The following PTPRG variants were observed in gnomAD, a reference collection of about 807,000 sequenced individuals.
PTPRG encodes the protein receptor-type tyrosine-protein phosphatase gamma.
In PTPRG, 102 loss-of-function variants were observed where a neutral mutation model predicts 165.3. The ratio of observed to expected loss-of-function variants is 0.62; its 90% CI spans 0.53 to 0.73. PTPRG has a LOEUF of 0.73. PTPRG is among the 30% of genes least tolerant of loss of function. The probability of loss-of-function intolerance (pLI) is 0.00; values close to 1 mark genes in which losing one functional copy is unlikely to be tolerated. For missense variants in PTPRG, 1,866 were observed against 1,861.4 expected (o/e 1.00, Z -0.05); for synonymous variants, 675 against 669.5 (o/e 1.01, Z -0.13).
Position 62,119,714 on chromosome 3 carries a change from G to A in PTPRG, c.616-12888G>A, listed in dbSNP as rs900944079. 3.3e-5 allele frequency among the ~76,000 whole-genome samples: 5 copies of A among 151,824 alleles called. No homozygotes were observed. The East Asian group carries it at 9.7e-4, about 29-fold the overall frequency. ...TGGCTCACTGCAAACTCCACGTCCTGGGTTCAAGTAATTCTCCTGCCTCAG... is the reference window on the plus strand; with the variant it reads ...TGGCTCACTGCAAACTCCACGTCCTAGGTTCAAGTAATTCTCCTGCCTCAG... On this transcript the variant is annotated intron_variant, in intron 5 of 29. Coordinates refer to ENST00000474889, the MANE Select transcript of PTPRG (RefSeq NM_002841.4).
chr3:61,923,314 C>T (rs764957058), intron 2 of PTPRG, among the ~76,000 whole-genome samples: 11 of 152,060 alleles, frequency 7.2e-5, no homozygotes, highest in Non-Finnish European at 1.3e-4. Flanking sequence ...TTGATTTAAC[C>T]GTACATCATA....
chr3:62,067,063 C>T (rs1222901327), intron 4 of PTPRG, among the ~76,000 whole-genome samples: 37 of 135,864 alleles, frequency 2.7e-4, no homozygotes, highest in African/African-American at 1.0e-3. Flanking sequence ...AAAAAAAAAT[C>T]AACTGCTCTC....
At position 62,291,716 on chromosome 3, in the gene PTPRG, T is replaced by A. The variant is rs977077913; in HGVS notation, c.4056-705T>A. 2.6e-5 allele frequency among the ~76,000 whole-genome samples: 4 copies of A among 152,200 alleles called. No individual in the cohort carries two copies. The South Asian group carries it at 8.3e-4, about 31-fold the overall frequency. ...ACATCATCTTGAACAATTCATTTAA[T>A]CCATCTGTTTTCTCATCACTAATGT... On this transcript the variant is annotated intron_variant, in intron 28 of 29. Transcript: ENST00000474889.
At chr3:61,676,362 C>T (rs577313811) in intron 1 of PTPRG, among the ~76,000 whole-genome samples, 102 of 143,868 alleles carry the variant, frequency 7.1e-4, no homozygotes, top group African/African-American at 2.6e-3. Flanking sequence ...GAGGCTGAGG[C>T]AGGAGAATGG....
At chr3:62,114,091 G>C (rs539626798) in intron 5 of PTPRG, among the ~76,000 whole-genome samples, 2 of 152,286 alleles carry the variant, frequency 1.3e-5, no homozygotes, top group African/African-American at 4.8e-5. Flanking sequence ...CTGAGGTCAG[G>C]AGTTCGAGAC....
intron 1 of PTPRG, among the ~76,000 whole-genome samples, chr3:61,718,871 T>G (rs2031931898): frequency 6.6e-6 from 1 of 152,326 alleles, no homozygotes; most frequent in Middle Eastern, 3.4e-3. Flanking sequence ...CAGGAGTCAT[T>G]GAATTGCCAC....
chr3:62,003,430 A>T lies in PTPRG; in HGVS notation c.452A>T (p.His151Leu). 6.2e-7 allele frequency: 1 copy of T among 1,614,002 alleles called. No individual in the cohort carries two copies. The highest frequency in any genetic ancestry group is 8.5e-7 in the Non-Finnish European group (1 of 1,179,948). The change falls in exon 4 of 30, where the codon CAC (histidine) becomes CTC (leucine). Residue 151 changes from histidine (H) to leucine (L), a missense_variant. His to Leu is a moderately conservative substitution (Grantham distance 99). Coordinates refer to ENST00000474889, the MANE Select transcript of PTPRG (RefSeq NM_002841.4). ...TTCAAAGCTGAGAAGGTGGAATTTC[A>T]CTGGGGCCACAGCAATGGCTCAGCG... The part of the protein sequence containing the change: ...GRFKAEKVEF[H>L]WGHSNGSAGS...
intron 1 of PTPRG, among the ~76,000 whole-genome samples, chr3:61,610,431 T>C (rs1350056799): frequency 6.6e-6 from 1 of 152,104 alleles, no homozygotes; most frequent in East Asian, 1.9e-4. Context: ...CTGCTGAATA[T>C]AAAAAAATTG....
At chr3:61,649,039 T>C (rs1487764434) in intron 1 of PTPRG, among the ~76,000 whole-genome samples, 1 of 152,184 alleles carries the variant, frequency 6.6e-6, no homozygotes, top group East Asian at 1.9e-4. Flanking sequence ...AAAAACCTAG[T>C]GTTAACTTTG....
Position 62,109,561 on chromosome 3 carries a change from GT to G in PTPRG, c.616-23034del, listed in dbSNP as rs921851310. 4.7e-4 allele frequency among the ~76,000 whole-genome samples: 71 copies of G among 152,112 alleles called. 1 individual carries two copies. Among genetic ancestry groups the G allele is most frequent in the Admixed American group, 2.0e-4 (3 of 15,262 alleles). ...TTGGTTCCATATGAAGTTTAAAGTAGTTTTTTTCCCACATTCCTCCTTTAAT... is the reference window on the plus strand; with the variant it reads ...TTGGTTCCATATGAAGTTTAAAGTAGTTTTTTCCCACATTCCTCCTTTAAT... On this transcript the variant is annotated intron_variant, in intron 5 of 29. Transcript: ENST00000474889.
chr3:61,668,335 A>G (rs548698399), intron 1 of PTPRG, among the ~76,000 whole-genome samples: 173 of 152,368 alleles, frequency 1.1e-3, no homozygotes, highest in South Asian at 2.1e-3. Flanking sequence ...GGGAAGAGAA[A>G]GGAACAGATA....
intron 1 of PTPRG, among the ~76,000 whole-genome samples, chr3:61,673,529 C>CA (rs60662526): frequency 0.059 from 8,908 of 152,188 alleles, 571 homozygotes; most frequent in African/African-American, 0.16. Flanking sequence ...ACACTGAGTA[C>CA]AAATTTATTT....
In PTPRG at chr3:61,967,661, CA is replaced by C. The variant is rs1364664213; in HGVS notation, c.191-21961del. ...TGATTAGAAATGAGTGACATTCTTCCAAATTTAGTGCATGTAACTGCCACTG... is the reference window on the plus strand; with the variant it reads ...TGATTAGAAATGAGTGACATTCTTCCAATTTAGTGCATGTAACTGCCACTG... On this transcript the variant is annotated intron_variant, in intron 2 of 29. Coordinates refer to ENST00000474889, the MANE Select transcript of PTPRG (RefSeq NM_002841.4). Among the ~76,000 whole-genome samples, 9 of 152,254 alleles carry C rather than the reference CA, an allele frequency of 5.9e-5. 1 individual carries two copies. In the East Asian group the frequency reaches 1.7e-3, roughly 29 times the overall value.
At position 62,163,749 on chromosome 3, in the gene PTPRG, A is replaced by G. The variant is rs545816190; in HGVS notation, c.841-4222A>G. ...CCAGGAATCATTCCAAATATTTTAT[A>G]TATCACAACTCTTTGAATAGTTACA... On this transcript the variant is annotated intron_variant, in intron 7 of 29. Transcript: ENST00000474889. Among the ~76,000 whole-genome samples the G allele has an allele frequency of 7.9e-5, 12 of 152,350 alleles. 1 individual carries two copies. In the South Asian group the frequency reaches 2.3e-3, roughly 29 times the overall value.
chr3:62,121,264 C>A (rs1703061071), intron 5 of PTPRG, among the ~76,000 whole-genome samples: 1 of 152,062 alleles, frequency 6.6e-6, no homozygotes, highest in Admixed American at 6.6e-5. Context: ...ATAGCTACAG[C>A]TTTTAAGGAT....
At chr3:62,177,665 A>G (rs896354540) in intron 8 of PTPRG, among the ~76,000 whole-genome samples, 4 of 152,050 alleles carry the variant, frequency 2.6e-5, no homozygotes, top group Non-Finnish European at 5.9e-5. Flanking sequence ...CCTACACTTC[A>G]GTCCAGCAGC....
At chr3:61,756,307 A>C (rs2033632831) in intron 2 of PTPRG, among the ~76,000 whole-genome samples, 1 of 152,220 alleles carries the variant, frequency 6.6e-6, no homozygotes, top group Middle Eastern at 3.2e-3. Flanking sequence ...TTCAAGATAG[A>C]GAACAAATTG....
intron 3 of PTPRG, among the ~76,000 whole-genome samples, chr3:61,998,637 A>G (rs1226527192): frequency 6.6e-6 from 1 of 152,214 alleles, no homozygotes; most frequent in Admixed American, 6.5e-5. Context: ...TGTATCAAGA[A>G]GGTATAGACC....
intron 2 of PTPRG, among the ~76,000 whole-genome samples, chr3:61,983,440 G>A (rs1438214085): frequency 1.3e-5 from 2 of 152,120 alleles, no homozygotes; most frequent in African/African-American, 4.8e-5. Context: ...AGTTTATTGA[G>A]AGAGGCATTA....
Sources: gnomAD v4.1 joint callset for allele counts (sites outside exome capture counted in the v4.1 genomes callset) on GRCh38, gnomAD v4.1.1 for gene constraint, MANE v1.5 for transcripts, NCBI Gene and HGNC (gene_info 2026-07-23, HGNC 2026-07-21) for gene names.